The following SLC44A5 variants were observed in gnomAD, a reference collection of about 807,000 sequenced individuals.
The protein encoded by SLC44A5 is choline transporter-like protein 5.
Under a neutral mutation model 101.8 loss-of-function variants are expected in SLC44A5, and 57 were observed. The ratio of observed to expected loss-of-function variants is 0.56; its 90% CI spans 0.45 to 0.70. The LOEUF (loss-of-function observed/expected upper bound fraction) is 0.70. Among genes scored for constraint, SLC44A5 ranks in the 30% least tolerant of loss-of-function variants. SLC44A5 has a pLI of 0.00. For synonymous variants in SLC44A5, 281 were observed against 290.9 expected, an observed-to-expected ratio of 0.97 and a Z score of 0.35; for missense variants, 737 against 853.1, an observed-to-expected ratio of 0.86 and a Z score of 1.70.
the SLC44A5 span, among the ~76,000 whole-genome samples, chr1:75,651,864 G>A: frequency 6.6e-6 from 1 of 152,122 alleles, no homozygotes; most frequent in East Asian, 1.9e-4. Context: ...TGGAACGTCA[G>A]GCGACCATCA....
intron 1 of SLC44A5, among the ~76,000 whole-genome samples, chr1:75,584,177 C>G (rs1008357247): frequency 5.3e-5 from 8 of 152,200 alleles, no homozygotes; most frequent in Admixed American, 2.0e-4. Flanking sequence ...ATGGCTCTGT[C>G]CCTTTACAGT....
At chr1:75,491,050 C>A (rs1668399967) in intron 2 of SLC44A5, among the ~76,000 whole-genome samples, 1 of 152,248 alleles carries the variant, frequency 6.6e-6, no homozygotes, top group East Asian at 1.9e-4. Context: ...TTTTACCACT[C>A]CAAAGTAAAT....
At chr1:75,615,922 G>T (rs1046897493), upstream of SLC44A5, 4 of 976,244 alleles carry the variant, frequency 4.1e-6, no homozygotes, top group African/African-American at 3.6e-5. Context: ...CCCCCCACGC[G>T]CTTCCTCCGG....
intron 1 of SLC44A5, among the ~76,000 whole-genome samples, chr1:75,603,424 A>G (rs1158050215): frequency 6.6e-6 from 1 of 150,656 alleles, no homozygotes; most frequent in African/African-American, 2.4e-5. Flanking sequence ...TGCTATTGTG[A>G]ATAGTGCTGC....
the SLC44A5 span, among the ~76,000 whole-genome samples, chr1:75,653,063 C>T: frequency 2.0e-5 from 3 of 152,140 alleles, no homozygotes; most frequent in Non-Finnish European, 2.9e-5. Context: ...GCTCATTCTA[C>T]TCAGATGACT....
chr1:75,365,699 A>G (rs1412212961), intron 3 of SLC44A5, among the ~76,000 whole-genome samples: 1 of 152,214 alleles, frequency 6.6e-6, no homozygotes, highest in Non-Finnish European at 1.5e-5. Flanking sequence ...ATGGAATACT[A>G]TGCAGCCATA....
chr1:75,518,904 A>G (rs1669974723), intron 2 of SLC44A5, among the ~76,000 whole-genome samples: 1 of 152,198 alleles, frequency 6.6e-6, no homozygotes, highest in Non-Finnish European at 1.5e-5. Flanking sequence ...CATGACAAAA[A>G]TGTCCTAAAA....
At chr1:75,658,334 C>T in the SLC44A5 span, among the ~76,000 whole-genome samples, 1 of 152,028 alleles carries the variant, frequency 6.6e-6, no homozygotes, top group Non-Finnish European at 1.5e-5. Flanking sequence ...CCTCAGCCTA[C>T]CAAGTAGCTG....
chr1:75,238,762 G>T (rs1004273346), intron 9 of SLC44A5, 126 bp from the exon 10 acceptor site: 7 of 532,494 alleles, frequency 1.3e-5, no homozygotes, highest in African/African-American at 7.9e-5. Context: ...GCTCAATATA[G>T]ATAGCTCATT....
At chr1:75,620,461 G>A in the SLC44A5 span, among the ~76,000 whole-genome samples, 1 of 152,182 alleles carries the variant, frequency 6.6e-6, no homozygotes, top group Non-Finnish European at 1.5e-5. Flanking sequence ...CAGTGTAAAA[G>A]TGTTCCTATT....
chr1:75,233,352 C>T (rs934153723), intron 12 of SLC44A5, among the ~76,000 whole-genome samples: 9 of 152,100 alleles, frequency 5.9e-5, no homozygotes, highest in Admixed American at 2.0e-4. Flanking sequence ...CCCTTCCAGT[C>T]GTCAACCCTT....
chr1:75,358,544 C>G (rs1199187202), intron 3 of SLC44A5, among the ~76,000 whole-genome samples: 4 of 152,172 alleles, frequency 2.6e-5, no homozygotes, highest in African/African-American at 9.6e-5. Context: ...CTAATTAAAT[C>G]TAGCATCTCA....
chr1:75,404,515 C>T (rs1662720521), intron 2 of SLC44A5, among the ~76,000 whole-genome samples: 1 of 152,164 alleles, frequency 6.6e-6, no homozygotes, highest in African/African-American at 2.4e-5. Context: ...AGAAACCCTA[C>T]AGCCAGAAGA....
chr1:75,367,558 G>A (rs1391101758), intron 3 of SLC44A5, among the ~76,000 whole-genome samples: 1 of 152,174 alleles, frequency 6.6e-6, no homozygotes, highest in African/African-American at 2.4e-5. Flanking sequence ...CTGGAGTTGG[G>A]TCACATACTG....
At chr1:75,373,549 T>G (rs959706739) in intron 3 of SLC44A5, among the ~76,000 whole-genome samples, 1 of 152,308 alleles carries the variant, frequency 6.6e-6, no homozygotes. Flanking sequence ...AAACGTGACT[T>G]CAGGCATTTA....
chr1:75,271,966 A>C lies in SLC44A5; in HGVS notation c.260+2992T>G, dbSNP rs553518055. Reference sequence around the variant, plus strand: ...AAAATGTTCCCTTTTCACCACATACATGCCAACATCTATTGTTTTTTGACT... The same window carrying C: ...AAAATGTTCCCTTTTCACCACATACCTGCCAACATCTATTGTTTTTTGACT... On this transcript the variant is annotated intron_variant, in intron 6 of 23. Coordinates refer to ENST00000370859, the MANE Select transcript of SLC44A5 (RefSeq NM_001130058.2). Among the ~76,000 whole-genome samples the C allele has an allele frequency of 1.6e-4, 25 of 152,230 alleles. 1 individual carries two copies. In the South Asian group the frequency reaches 4.8e-3, roughly 29 times the overall value.
chr1:75,670,581 T>G, the SLC44A5 span, among the ~76,000 whole-genome samples: 4 of 152,196 alleles, frequency 2.6e-5, no homozygotes, highest in Admixed American at 1.3e-4. Context: ...TGGCTTAAAG[T>G]GGAATTTAAA....
chr1:75,622,291 A>G, the SLC44A5 span, among the ~76,000 whole-genome samples: 2 of 152,084 alleles, frequency 1.3e-5, no homozygotes. Context: ...CTTTCAAAGT[A>G]CCCATAACAC....
At chr1:75,344,538 G>A (rs1658110939) in intron 3 of SLC44A5, among the ~76,000 whole-genome samples, 1 of 152,118 alleles carries the variant, frequency 6.6e-6, no homozygotes. Flanking sequence ...GATCACAAGG[G>A]TACTTCTATA....
Sources: allele counts gnomAD v4.1 joint callset (sites outside exome capture counted in the v4.1 genomes callset), GRCh38; gene constraint gnomAD v4.1.1; transcripts MANE v1.5; gene names NCBI Gene and HGNC (gene_info 2026-07-23, HGNC 2026-07-21).